SHQ1: variants seen among roughly 807,000 people sequenced by gnomAD.
The protein encoded by SHQ1 is SHQ1, H/ACA ribonucleoprotein assembly factor, also known as protein SHQ1 homolog.
SHQ1 carries 49 observed loss-of-function variants against 53.8 expected under a neutral mutation model. The ratio of observed to expected loss-of-function variants is 0.91; its 90% CI spans 0.72 to 1.16. The LOEUF is 1.16. SHQ1 is among the 50% of genes most tolerant of loss of function. SHQ1 has a pLI of 0.00. For synonymous variants in SHQ1, 243 were observed against 251.0 expected, an observed-to-expected ratio of 0.97 and a Z score of 0.30; for missense variants, 738 against 683.1, an observed-to-expected ratio of 1.08 and a Z score of -0.90.
At chr3:72,746,260 C>T (rs753432764), downstream of SHQ1, among the ~76,000 whole-genome samples, 8 of 152,134 alleles carry the variant, frequency 5.3e-5, no homozygotes, top group Non-Finnish European at 4.4e-5. Flanking sequence ...TTGGTTTTTC[C>T]CACTGAGCTG....
intron 1 of SHQ1, among the ~76,000 whole-genome samples, chr3:72,845,478 CTG>C (rs1234123866): frequency 6.7e-6 from 1 of 149,382 alleles, no homozygotes; most frequent in East Asian, 2.0e-4. Context: ...GAGTGAGATT[CTG>C]TGTCCAAAAA....
chr3:72,744,282 A>G (rs1477355330), downstream of SHQ1, among the ~76,000 whole-genome samples: 1 of 152,200 alleles, frequency 6.6e-6, no homozygotes, highest in East Asian at 1.9e-4. Flanking sequence ...AAAGACACCA[A>G]CATACCACTA....
chr3:72,848,153 A>G (rs199807008), intron 1 of SHQ1, 45 bp downstream of exon 1: 35 of 1,611,150 alleles, frequency 2.2e-5, no homozygotes, highest in Admixed American at 1.7e-5. Context: ...TAAAGCAGCT[A>G]TCTAACGAAT....
chr3:72,780,764 C>T (rs1706054029), intron 10 of SHQ1, among the ~76,000 whole-genome samples: 1 of 152,100 alleles, frequency 6.6e-6, no homozygotes, highest in Admixed American at 6.5e-5. Context: ...TAAAGTATAC[C>T]ACATAATTAC....
At chr3:72,779,440 A>G (rs1338475846) in intron 10 of SHQ1, among the ~76,000 whole-genome samples, 1 of 152,092 alleles carries the variant, frequency 6.6e-6, no homozygotes, top group Non-Finnish European at 1.5e-5. Flanking sequence ...CTCTCGTGGC[A>G]GTATGAATCT....
At chr3:72,737,335 C>G in the SHQ1 span, among the ~76,000 whole-genome samples, 9 of 151,890 alleles carry the variant, frequency 5.9e-5, no homozygotes, top group Non-Finnish European at 1.3e-4. Flanking sequence ...GTTAAAACCA[C>G]AGCCACGGAA....
rs1433284779 is a variant in SHQ1, at chr3:72,750,884, C to T, written c.1182-48G>A. On this transcript the variant is annotated intron_variant, in intron 10 of 10. Transcript: ENST00000325599. ...AGATTAGAATTATTTATTAATTGGC[C>T]TGGGGATAACAGGTTATACAGCTTC... is the stretch of plus-strand genomic sequence containing the variant. 10 of 1,437,004 alleles carry T rather than the reference C, an allele frequency of 7.0e-6. No homozygotes were observed. The South Asian group carries it at 1.5e-4, about 21-fold the overall frequency. The allele number at this position is 1,437,004 out of a possible 1,614,324, so 89.0% of individuals were successfully genotyped here.
chr3:72,772,057 T>C (rs999653579), intron 10 of SHQ1, among the ~76,000 whole-genome samples: 3 of 152,152 alleles, frequency 2.0e-5, no homozygotes, highest in Admixed American at 6.5e-5. Flanking sequence ...TTTGCAAGAC[T>C]TTTCAGTTCT....
chr3:72,753,139 T>C (rs888050737), intron 10 of SHQ1: 2 of 985,314 alleles, frequency 2.0e-6, no homozygotes, highest in Admixed American at 6.1e-5. Flanking sequence ...GGAAATCTGA[T>C]GTGACAACTG....
In SHQ1 at chr3:72,841,147, T is replaced by C. The variant is rs762123957; in HGVS notation, c.384A>G (p.Glu128=). Residue 128 remains glutamate, a synonymous_variant, in exon 4 of 11, where the codon GAA becomes GAG. Transcript: ENST00000325599. Reference sequence around the variant, plus strand: ...CCTCTTCACAGGGTGTCTGCTCAATTTCCCAATCAAACTCTTCATCGTCAA... The same window carrying C: ...CCTCTTCACAGGGTGTCTGCTCAATCTCCCAATCAAACTCTTCATCGTCAA... ...EVVDDEEFDW[E]IEQTPCEEVS... 5 of 1,613,814 alleles carry C rather than the reference T, an allele frequency of 3.1e-6. No individual in the cohort carries two copies. The highest frequency in any genetic ancestry group is 4.2e-6 in the Non-Finnish European group (5 of 1,179,944).
At chr3:72,846,136 A>G in intron 1 of SHQ1, 1 of 1,370,622 alleles carries the variant, frequency 7.3e-7, no homozygotes, top group Non-Finnish European at 1.0e-6. Flanking sequence ...AATGTGAGCT[A>G]TTATTACCAG....
chr3:72,845,576 A>T (rs1016822583), intron 1 of SHQ1, among the ~76,000 whole-genome samples: 1 of 152,072 alleles, frequency 6.6e-6, no homozygotes, highest in East Asian at 1.9e-4. Context: ...CTCCAAAATA[A>T]TTTTTCTAAA....
At chr3:72,782,956 C>T (rs1706112236) in intron 10 of SHQ1, among the ~76,000 whole-genome samples, 1 of 152,190 alleles carries the variant, frequency 6.6e-6, no homozygotes, top group Non-Finnish European at 1.5e-5. Flanking sequence ...AATCAATCAC[C>T]ACCCTAACTC....
At chr3:72,727,237 C>T in the SHQ1 span, among the ~76,000 whole-genome samples, 1,696 of 152,178 alleles carry the variant, frequency 0.011, 28 homozygotes, top group African/African-American at 0.038. Flanking sequence ...TTGAGGCTCC[C>T]CGTAGTTTCC....
chr3:72,733,623 G>A, the SHQ1 span, among the ~76,000 whole-genome samples: 1 of 151,380 alleles, frequency 6.6e-6, no homozygotes. Flanking sequence ...TGAAAGAAAG[G>A]ATTATCACCC....
intron 5 of SHQ1, among the ~76,000 whole-genome samples, chr3:72,830,616 G>A (rs1707796617): frequency 6.6e-6 from 1 of 151,930 alleles, no homozygotes; most frequent in African/African-American, 2.4e-5. Flanking sequence ...AATATAAATA[G>A]TGAGTAGTAA....
the SHQ1 span, among the ~76,000 whole-genome samples, chr3:72,738,883 G>A: frequency 6.6e-6 from 1 of 152,070 alleles, no homozygotes; most frequent in African/African-American, 2.4e-5. Flanking sequence ...CGCACGCGCA[G>A]TGGCCCCACC....
At chr3:72,825,361 T>C (rs1575726210) in intron 5 of SHQ1, among the ~76,000 whole-genome samples, 3 of 141,874 alleles carry the variant, frequency 2.1e-5, no homozygotes, top group African/African-American at 5.2e-5. Flanking sequence ...TAAAAGGGGC[T>C]ACACACACAC....
intron 10 of SHQ1, among the ~76,000 whole-genome samples, chr3:72,752,310 C>T (rs1705402512): frequency 6.6e-6 from 1 of 152,130 alleles, no homozygotes; most frequent in South Asian, 2.1e-4. Flanking sequence ...TCTCCAAAGT[C>T]ACAGAAAACA....
Sources: allele counts gnomAD v4.1 joint callset (sites outside exome capture counted in the v4.1 genomes callset), GRCh38; gene constraint gnomAD v4.1.1; transcripts MANE v1.5; gene names NCBI Gene and HGNC (gene_info 2026-07-23, HGNC 2026-07-21).